Variants in TRDN observed in about 807,000 individuals in gnomAD.
TRDN encodes triadin.
In TRDN, 161 loss-of-function variants were observed where a neutral mutation model predicts 149.7. The ratio of observed to expected loss-of-function variants is 1.08; its 90% CI spans 0.95 to 1.23. The LOEUF is 1.23. Ranked by LOEUF, TRDN falls within the 50% of genes most tolerant of loss-of-function variation. TRDN has a pLI of 0.00. For missense variants in TRDN, 896 were observed against 823.5 expected (o/e 1.09, Z -1.08); for synonymous variants, 294 against 250.5 (o/e 1.17, Z -1.64).
At chr6:123,239,336 T>G (rs1775904082) in intron 38 of TRDN, among the ~76,000 whole-genome samples, 1 of 152,158 alleles carries the variant, frequency 6.6e-6, no homozygotes, top group Admixed American at 6.5e-5. Context: ...TATAGTTTAT[T>G]CAGTTATTGA....
chr6:123,349,409 C>T (rs1014496932), intron 21 of TRDN: 102 of 561,686 alleles, frequency 1.8e-4, no homozygotes, highest in Non-Finnish European at 2.1e-4. Flanking sequence ...CAGTTGTGGG[C>T]GCTCAATAAA....
Position 123,231,117 on chromosome 6 carries a change from C to T in TRDN, c.1976-6986G>A, listed in dbSNP as rs558261535. Among the ~76,000 whole-genome samples the T allele has an allele frequency of 9.9e-5, 15 of 152,166 alleles. No individual in the cohort carries two copies. In the South Asian group the frequency reaches 3.1e-3, roughly 32 times the overall value. ...ACTTTCCTCAACATCAAGACCCTCA[C>T]TCTTTCCTCTAAACTATTCTATCTT... On this transcript the variant is annotated intron_variant, in intron 38 of 40. Coordinates refer to ENST00000334268, the MANE Select transcript of TRDN (RefSeq NM_006073.4).
At chr6:123,419,900 A>G (rs56379126) in intron 12 of TRDN, among the ~76,000 whole-genome samples, 9,074 of 152,286 alleles carry the variant, frequency 0.06, 399 homozygotes, top group Non-Finnish European at 0.093. Flanking sequence ...CTACATCAGC[A>G]GTAGAAATTT....
chr6:123,301,756 TATATATATATATAC>T (rs1259844426), intron 24 of TRDN, among the ~76,000 whole-genome samples: 3 of 71,572 alleles, frequency 4.2e-5, no homozygotes, highest in East Asian at 1.8e-3. Flanking sequence ...TATATACATA[TATATATATATATAC>T]ATATATATAT....
At chr6:123,470,950 AT>A in intron 9 of TRDN, 1 of 152,216 alleles carries the variant, frequency 6.6e-6, no homozygotes, top group East Asian at 1.9e-4. Flanking sequence ...AGTGAACAAT[AT>A]AGAAAAAAAT....
chr6:123,260,721 A>T (rs759784150), intron 33 of TRDN, 83 bp from the exon 34 acceptor site: 472 of 1,104,786 alleles, frequency 4.3e-4, no homozygotes, highest in Non-Finnish European at 5.4e-4. Flanking sequence ...TCAGTAGCAA[A>T]CAATTGAAAC....
chr6:123,611,535 GA>G (rs1562425426), intron 1 of TRDN, among the ~76,000 whole-genome samples: 1 of 152,086 alleles, frequency 6.6e-6, no homozygotes, highest in African/African-American at 2.4e-5. Flanking sequence ...TAAGATAAAA[GA>G]AATAAATTCA....
intron 10 of TRDN, among the ~76,000 whole-genome samples, chr6:123,444,659 G>C (rs1370249923): frequency 6.6e-6 from 1 of 151,606 alleles, no homozygotes; most frequent in Non-Finnish European, 1.5e-5. Context: ...CTGTGGGTTT[G>C]TCATAGATAG....
chr6:123,267,664 T>C, intron 32 of TRDN, 43 bp downstream of exon 32: 1 of 1,321,992 alleles, frequency 7.6e-7, no homozygotes, highest in Non-Finnish European at 1.0e-6. Context: ...ATAATAAAAA[T>C]AGTGAACATA....
intron 12 of TRDN, chr6:123,437,273 T>A (rs951483861): frequency 1.6e-5 from 4 of 254,684 alleles, no homozygotes; most frequent in Non-Finnish European, 2.3e-5. Flanking sequence ...TTAATAGGTT[T>A]CTTTCTGACC....
chr6:123,615,642 C>G (rs1275742901), intron 1 of TRDN, among the ~76,000 whole-genome samples: 1 of 151,970 alleles, frequency 6.6e-6, no homozygotes, highest in Non-Finnish European at 1.5e-5. Flanking sequence ...GTGAGATAGG[C>G]TAGACACAAA....
chr6:123,320,605 T>A (rs1779208224), intron 23 of TRDN, among the ~76,000 whole-genome samples: 1 of 152,082 alleles, frequency 6.6e-6, no homozygotes, highest in South Asian at 2.1e-4. Context: ...GGATTTGAAT[T>A]CCGTTTCCAA....
At chr6:123,540,542 T>A (rs1780776026) in intron 4 of TRDN, among the ~76,000 whole-genome samples, 1 of 152,228 alleles carries the variant, frequency 6.6e-6, no homozygotes, top group African/African-American at 2.4e-5. Flanking sequence ...GTTTGTTTGT[T>A]TGAGTCTCGC....
intron 2 of TRDN, among the ~76,000 whole-genome samples, chr6:123,567,902 C>T (rs143195260): frequency 2.0e-5 from 3 of 152,262 alleles, no homozygotes; most frequent in East Asian, 1.9e-4. Context: ...CAATCATCCC[C>T]GACCAATAGT....
chr6:123,507,233 T>G lies in TRDN; in HGVS notation c.611-3332A>C, dbSNP rs150445688. ...TTGCTTACTCTAAATGACAGCTATC[T>G]ACTCCTTGTAAGTTACAGTTGATTT... On this transcript the variant is annotated intron_variant, in intron 7 of 40. Transcript: ENST00000334268. Among the ~76,000 whole-genome samples the G allele has an allele frequency of 1.0e-3, 152 of 152,226 alleles. 1 individual carries two copies. The East Asian group carries it at 0.027, about 27-fold the overall frequency.
At chr6:123,450,816 C>T (rs12189878) in intron 10 of TRDN, among the ~76,000 whole-genome samples, 22,946 of 151,920 alleles carry the variant, frequency 0.15, 2,250 homozygotes, top group African/African-American at 0.28. Flanking sequence ...CAATAGTGCA[C>T]GGAACTTTCT....
chr6:123,253,969 A>G (rs1776465419), intron 37 of TRDN, among the ~76,000 whole-genome samples: 1 of 152,100 alleles, frequency 6.6e-6, no homozygotes, highest in South Asian at 2.1e-4. Context: ...GTGTTTGAAA[A>G]CATACAAACT....
intron 24 of TRDN, among the ~76,000 whole-genome samples, chr6:123,287,530 C>T (rs1251699044): frequency 6.6e-6 from 1 of 152,064 alleles, no homozygotes; most frequent in South Asian, 2.1e-4. Context: ...AAAGGAATGG[C>T]TGTTTGTCAC....
chr6:123,548,531 C>T lies in TRDN; in HGVS notation c.314G>A (p.Gly105Asp). 1 of 1,577,618 alleles carries T rather than the reference C, an allele frequency of 6.3e-7. No individual in the cohort carries two copies. The highest frequency in any genetic ancestry group is 8.6e-7 in the Non-Finnish European group (1 of 1,160,232). The change falls in exon 3 of 41, where the codon GGC becomes GAC. Residue 105 changes from glycine to aspartate, a missense_variant. Physicochemically the swap from Gly to Asp is moderately conservative, Grantham distance 94 (BLOSUM62 -1). Coordinates refer to ENST00000334268, the MANE Select transcript of TRDN (RefSeq NM_006073.4). ...AMEETTDWIY[G>D]FFSLLSDIIS... is the part of the protein sequence containing the mutation. ...GATGTCAGATAACAAAGAAAAGAAG[C>T]CATAGATCCAGTCCGTGGTTTCCTC...
Sources: gnomAD v4.1 joint callset for allele counts (sites outside exome capture counted in the v4.1 genomes callset) on GRCh38, gnomAD v4.1.1 for gene constraint, MANE v1.5 for transcripts, NCBI Gene and HGNC (gene_info 2026-07-23, HGNC 2026-07-21) for gene names.